Variants in CCDC171 observed in about 807,000 individuals in gnomAD.
The protein encoded by CCDC171 is coiled-coil domain containing 171.
A neutral mutation model predicts 168.2 loss-of-function variants in CCDC171; 177 were observed. The observed-to-expected ratio is 1.05, with a 90% CI of 0.93 to 1.19. The LOEUF (loss-of-function observed/expected upper bound fraction) is 1.19, where lower values mean the gene tolerates loss of function less well. Ranked by LOEUF, CCDC171 falls within the 50% of genes most tolerant of loss-of-function variation. The pLI, the probability that CCDC171 is intolerant of heterozygous loss-of-function variation, is 0.00. For missense variants in CCDC171, 1,991 were observed against 1,539.0 expected, an observed-to-expected ratio of 1.29 and a Z score of -4.91; for synonymous variants, 687 against 540.8, an observed-to-expected ratio of 1.27 and a Z score of -3.75.
intron 23 of CCDC171, among the ~76,000 whole-genome samples, chr9:15,866,831 T>A (rs546097021): frequency 6.6e-6 from 1 of 152,060 alleles, no homozygotes; most frequent in East Asian, 1.9e-4. Context: ...TTCTGTCTCC[T>A]TAATTTTTAT....
chr9:16,053,364 T>A lies in CCDC171; in HGVS notation n.90-7282T>A, dbSNP rs149364476. 1.4e-3 allele frequency among the ~76,000 whole-genome samples: 218 copies of A among 152,118 alleles called. 7 individuals carry two copies. In the East Asian group the frequency reaches 0.04, roughly 28 times the overall value. ...CGGCATCATGGCAGCCTCGCCTGAGTTTTTGGTGTGGGAGGGTGTCATGTA... is the reference window on the plus strand; with the variant it reads ...CGGCATCATGGCAGCCTCGCCTGAGATTTTGGTGTGGGAGGGTGTCATGTA... On this transcript the variant is annotated intron_variant and non_coding_transcript_variant, in intron 1 of 1. Coordinates refer to the CCDC171 transcript ENST00000478913.
At chr9:16,032,465 G>T (rs1833379534) in intron 6 of CCDC171, among the ~76,000 whole-genome samples, 1 of 152,132 alleles carries the variant, frequency 6.6e-6, no homozygotes, top group African/African-American at 2.4e-5. Flanking sequence ...TTCAGAGAGG[G>T]CAGCAGAGGG....
intron 25 of CCDC171, among the ~76,000 whole-genome samples, chr9:15,934,043 T>C (rs1826822605): frequency 6.6e-6 from 1 of 151,920 alleles, no homozygotes; most frequent in Non-Finnish European, 1.5e-5. Context: ...CTGATATCCA[T>C]ACTATGCAAA....
chr9:15,624,181 G>A (rs2132100344), intron 7 of CCDC171, among the ~76,000 whole-genome samples: 1 of 152,228 alleles, frequency 6.6e-6, no homozygotes, highest in African/African-American at 2.4e-5. Flanking sequence ...GAGGAAGGAA[G>A]TGTGATTCCT....
At chr9:15,960,763 A>G (rs1177819052) in intron 25 of CCDC171, among the ~76,000 whole-genome samples, 2 of 152,298 alleles carry the variant, frequency 1.3e-5, no homozygotes, top group Middle Eastern at 3.4e-3. Flanking sequence ...TTTGTCTTAC[A>G]TCTGAAGTAC....
intron 18 of CCDC171, among the ~76,000 whole-genome samples, chr9:15,757,319 G>A (rs1588327622): frequency 6.6e-6 from 1 of 152,228 alleles, no homozygotes; most frequent in African/African-American, 2.4e-5. Context: ...GGGTATTGGA[G>A]CAGAGGTGAC....
intron 18 of CCDC171, among the ~76,000 whole-genome samples, chr9:15,752,848 C>A (rs982268082): frequency 2.0e-5 from 3 of 151,782 alleles, no homozygotes; most frequent in Admixed American, 6.6e-5. Context: ...ATATAACAAA[C>A]CTGCACATTG....
In CCDC171 at chr9:15,960,419, A is replaced by G. The variant is rs887071974; in HGVS notation, c.3754-11190A>G. On this transcript the variant is annotated intron_variant, in intron 25 of 25. Coordinates refer to ENST00000380701, the MANE Select transcript of CCDC171 (RefSeq NM_173550.4). ...CTAATTTAGGATACTAAGAGGGGAT[A>G]TGGGTTTAGGTATCTTTATGCATTA... 7.1e-4 allele frequency among the ~76,000 whole-genome samples: 108 copies of G among 152,204 alleles called. 1 individual carries two copies. Among genetic ancestry groups the G allele is most frequent in the African/African-American group, 2.4e-3 (99 of 41,456 alleles).
chr9:15,668,488 C>T (rs965013497), intron 9 of CCDC171, among the ~76,000 whole-genome samples: 2 of 152,238 alleles, frequency 1.3e-5, no homozygotes, highest in East Asian at 1.9e-4. Flanking sequence ...CTAACTAACA[C>T]TCCTAATGCT....
intron 21 of CCDC171, among the ~76,000 whole-genome samples, chr9:15,822,946 C>G: frequency 6.6e-6 from 1 of 152,080 alleles, no homozygotes; most frequent in East Asian, 1.9e-4. Flanking sequence ...AAATGTCCAA[C>G]AATGATAGAC....
At chr9:15,920,746 G>A (rs1025413760) in intron 25 of CCDC171, among the ~76,000 whole-genome samples, 1 of 151,804 alleles carries the variant, frequency 6.6e-6, no homozygotes, top group South Asian at 2.1e-4. Flanking sequence ...AAGATTCAGT[G>A]TGTCCCATTA....
At chr9:15,555,953 G>T (rs1563931254) in intron 1 of CCDC171, among the ~76,000 whole-genome samples, 1 of 152,016 alleles carries the variant, frequency 6.6e-6, no homozygotes, top group East Asian at 1.9e-4. Context: ...CTGTCCTTGC[G>T]ATATTTTGCT....
chr9:15,695,454 A>G (rs1458472059), intron 11 of CCDC171, 117 bp downstream of exon 11: 1 of 786,002 alleles, frequency 1.3e-6, no homozygotes, highest in Non-Finnish European at 2.2e-6. Context: ...TGATTTGATG[A>G]CATGATAAGA....
At chr9:15,891,316 A>G (rs770218) in intron 24 of CCDC171, among the ~76,000 whole-genome samples, 124,645 of 152,086 alleles carry the variant, frequency 0.82, 51,726 homozygotes, top group East Asian at 0.96. Flanking sequence ...TTTTTCTTTG[A>G]TAGTGAACAA....
At chr9:15,764,401 A>C (rs191073241) in intron 18 of CCDC171, among the ~76,000 whole-genome samples, 107 of 152,344 alleles carry the variant, frequency 7.0e-4, no homozygotes, top group African/African-American at 2.4e-3. Flanking sequence ...TTGGAATAGT[A>C]TAACATCATT....
intron 9 of CCDC171, among the ~76,000 whole-genome samples, chr9:15,676,328 T>G (rs1372137955): frequency 6.6e-6 from 1 of 152,140 alleles, no homozygotes; most frequent in East Asian, 1.9e-4. Context: ...ACATGCTCCT[T>G]TAGCTCGGAG....
intron 7 of CCDC171, among the ~76,000 whole-genome samples, chr9:15,630,800 T>A (rs1387426795): frequency 5.9e-5 from 9 of 152,132 alleles, no homozygotes; most frequent in Non-Finnish European, 1.3e-4. Context: ...ATGTAAAAGA[T>A]GAGAAATTAT....
chr9:15,971,880 A>G lies in CCDC171; in HGVS notation c.*44A>G. The G allele has an allele frequency of 2.0e-6, 3 of 1,499,292 alleles. No homozygotes were observed. The highest frequency in any genetic ancestry group is 2.8e-6 in the Non-Finnish European group (3 of 1,082,644). The allele number at this position is 1,499,292 out of a possible 1,614,324, so 92.9% of individuals were successfully genotyped here. ...TGGAGGAAGAGTTAACAGTACAATT[A>G]AAATTGTTTTGAATGGGAATTTTCT... is the stretch of plus-strand genomic sequence containing the variant. On this transcript the variant is annotated 3_prime_UTR_variant, in exon 26 of 26. Coordinates refer to ENST00000380701, the MANE Select transcript of CCDC171 (RefSeq NM_173550.4).
chr9:15,766,862 A>G lies in CCDC171; in HGVS notation c.2672-10738A>G, dbSNP rs989780776. 2.0e-4 allele frequency among the ~76,000 whole-genome samples: 30 copies of G among 152,032 alleles called. 1 individual carries two copies. The highest frequency in any genetic ancestry group is 7.2e-4 in the African/African-American group (30 of 41,382). On this transcript the variant is annotated intron_variant, in intron 18 of 25. Transcript: ENST00000380701. ...TTTTTGTAGAGATGGGAGTCTTACTATGTTGTCCAGACTAGTCTCAAACTC... is the reference window on the plus strand; with the variant it reads ...TTTTTGTAGAGATGGGAGTCTTACTGTGTTGTCCAGACTAGTCTCAAACTC...
Sources: gnomAD v4.1 joint callset for allele counts (sites outside exome capture counted in the v4.1 genomes callset) on GRCh38, gnomAD v4.1.1 for gene constraint, MANE v1.5 for transcripts, NCBI Gene and HGNC (gene_info 2026-07-23, HGNC 2026-07-21) for gene names.